The following P2RX3 variants were observed in gnomAD, a reference collection of about 807,000 sequenced individuals.
P2RX3 encodes purinergic receptor P2X 3.
P2RX3 carries 41 observed loss-of-function variants against 51.5 expected under a neutral mutation model. The ratio of observed to expected loss-of-function variants is 0.80; its 90% CI spans 0.62 to 1.03. The LOEUF (loss-of-function observed/expected upper bound fraction) is 1.03. Ranked by LOEUF, P2RX3 falls within the 50% of genes least tolerant of loss-of-function variation. The pLI is 0.00. For missense variants in P2RX3, 459 were observed against 522.1 expected (o/e 0.88, Z 1.18); for synonymous variants, 185 against 191.6 (o/e 0.97, Z 0.29).
chr11:57,343,230 G>A (rs1462457465), intron 1 of P2RX3, among the ~76,000 whole-genome samples: 1 of 152,206 alleles, frequency 6.6e-6, no homozygotes, highest in Non-Finnish European at 1.5e-5. Context: ...CCACCCCACT[G>A]GGCACAAGAA....
At chr11:57,347,516 G>A in intron 4 of P2RX3, 38 bp downstream of exon 4, 1 of 1,547,220 alleles carries the variant, frequency 6.5e-7, no homozygotes, top group African/African-American at 1.4e-5. Flanking sequence ...AATCCCAAGT[G>A]TTAGTGGGAC....
At chr11:57,359,234 A>G (rs4938863) in intron 8 of P2RX3, among the ~76,000 whole-genome samples, 125,100 of 152,114 alleles carry the variant, frequency 0.82, 52,184 homozygotes, top group East Asian at 0.98. Context: ...GCAGGGAAGC[A>G]GCGAGCAGAT....
intron 8 of P2RX3, among the ~76,000 whole-genome samples, chr11:57,352,510 A>G (rs1856563886): frequency 6.6e-6 from 1 of 152,358 alleles, no homozygotes; most frequent in Non-Finnish European, 1.5e-5. Context: ...GCAAGTTTTC[A>G]TCTTCATAAC....
chr11:57,361,484 C>T (rs1256511625), intron 8 of P2RX3, among the ~76,000 whole-genome samples: 1 of 152,130 alleles, frequency 6.6e-6, no homozygotes, highest in African/African-American at 2.4e-5. Flanking sequence ...TGTTGTTCCC[C>T]TCCCTGTATC....
intron 1 of P2RX3, among the ~76,000 whole-genome samples, chr11:57,343,118 C>T (rs1260013497): frequency 6.6e-6 from 1 of 152,218 alleles, no homozygotes; most frequent in Non-Finnish European, 1.5e-5. Flanking sequence ...TGAAGCATCC[C>T]CTTCTTTCTA....
intron 7 of P2RX3, chr11:57,350,351 G>C (rs76520954): frequency 0.019 from 3,365 of 181,302 alleles, 50 homozygotes; most frequent in South Asian, 0.029. Context: ...CCAGGCTAGA[G>C]TGCATGGCGC....
At chr11:57,343,757 T>C (rs1057228391) in intron 1 of P2RX3, among the ~76,000 whole-genome samples, 6 of 152,178 alleles carry the variant, frequency 3.9e-5, no homozygotes, top group African/African-American at 1.4e-4. Context: ...GCTAGGCACA[T>C]TGAAGCTCGG....
At chr11:57,365,814 C>T (rs1341734576) in intron 8 of P2RX3, among the ~76,000 whole-genome samples, 1 of 152,238 alleles carries the variant, frequency 6.6e-6, no homozygotes, top group Non-Finnish European at 1.5e-5. Context: ...TTCTCCTTCC[C>T]CATCACAAGT....
intron 8 of P2RX3, among the ~76,000 whole-genome samples, chr11:57,355,151 G>C (rs1010958896): frequency 1.3e-5 from 2 of 152,182 alleles, no homozygotes; most frequent in African/African-American, 4.8e-5. Context: ...CACCTGCAGA[G>C]ATGTCCAGGA....
At chr11:57,351,907 C>A (rs950239657) in intron 8 of P2RX3, among the ~76,000 whole-genome samples, 1 of 152,164 alleles carries the variant, frequency 6.6e-6, no homozygotes, top group African/African-American at 2.4e-5. Flanking sequence ...TGTTTTGATA[C>A]ATGTATACAT....
At chr11:57,348,573 T>C in intron 5 of P2RX3, 54 bp from the exon 6 acceptor site, 1 of 1,488,246 alleles carries the variant, frequency 6.7e-7, no homozygotes, top group Non-Finnish European at 9.4e-7. Flanking sequence ...GGTGAAAGCC[T>C]TCATTTCCCC....
chr11:57,337,303 A>G (rs7480857), upstream of P2RX3, among the ~76,000 whole-genome samples: 115 of 128,490 alleles, frequency 9.0e-4, no homozygotes, highest in African/African-American at 2.5e-3. Flanking sequence ...AAAAAAAAAA[A>G]AAAGAAAGAA....
At chr11:57,368,551 C>G (rs751983089) in intron 10 of P2RX3, 114 bp downstream of exon 10, 10 of 1,178,372 alleles carry the variant, frequency 8.5e-6, no homozygotes, top group Non-Finnish European at 1.2e-6. Flanking sequence ...AATGTAAAAC[C>G]CCTACCCCCA....
intron 8 of P2RX3, among the ~76,000 whole-genome samples, chr11:57,362,306 G>C (rs1253986763): frequency 6.6e-6 from 1 of 152,188 alleles, no homozygotes; most frequent in East Asian, 1.9e-4. Context: ...ACTGGGCCAG[G>C]TCGGGAGGAG....
chr11:57,359,763 C>G (rs1232026006), intron 8 of P2RX3, among the ~76,000 whole-genome samples: 1 of 152,190 alleles, frequency 6.6e-6, no homozygotes. Context: ...AGTCAAGCAG[C>G]CAGATTTCAG....
chr11:57,357,159 AT>A (rs755378530), intron 8 of P2RX3, among the ~76,000 whole-genome samples: 47 of 151,944 alleles, frequency 3.1e-4, no homozygotes, highest in Non-Finnish European at 6.0e-4. Flanking sequence ...TCTATTAAAA[AT>A]TTTTTTAAAA....
At chr11:57,352,043 A>G (rs1018227280) in intron 8 of P2RX3, among the ~76,000 whole-genome samples, 4 of 152,208 alleles carry the variant, frequency 2.6e-5, no homozygotes, top group African/African-American at 9.6e-5. Flanking sequence ...AAAAATACAT[A>G]AGAATATATT....
rs533472336 is a variant in P2RX3, at chr11:57,338,393, T to G, written c.-158T>G. ...GAGTATCAAGAGCAGAGAATCTCAC[T>G]AGGATTGCATGGCTTAAAGGGACAG... On this transcript the variant is annotated 5_prime_UTR_variant, in exon 1 of 12. Coordinates refer to ENST00000263314, the MANE Select transcript of P2RX3 (RefSeq NM_002559.5). 3.0e-4 allele frequency: 156 copies of G among 517,942 alleles called. 1 individual carries two copies. The highest frequency in any genetic ancestry group is 2.6e-3 in the African/African-American group (138 of 53,810). 32.1% of individuals were successfully genotyped at this position (517,942 alleles called of 1,614,324 possible).
Position 57,348,198 on chromosome 11 carries a change from C to G in P2RX3, c.420C>G (p.Tyr140Ter). The G allele has an allele frequency of 6.3e-7, 1 of 1,598,830 alleles. No homozygotes were observed. Among genetic ancestry groups the G allele is most frequent in the Non-Finnish European group, 8.5e-7 (1 of 1,172,964 alleles). Residue 140 changes from tyrosine (Y) to a stop codon, truncating the protein, a stop_gained, in exon 5 of 12, where the codon TAC becomes TAG. Transcript: ENST00000263314. LOFTEE classifies it high-confidence loss of function. ...GGILTGRCVN[Y>*]SSVLRTCEIQ... ...TCCTCACTGGCCGCTGCGTGAACTA[C>G]AGCTCTGTGCTCCGGACCTGTGAGA...
Sources: gnomAD v4.1 joint callset for allele counts (sites outside exome capture counted in the v4.1 genomes callset) on GRCh38, gnomAD v4.1.1 for gene constraint, MANE v1.5 for transcripts, NCBI Gene and HGNC (gene_info 2026-07-23, HGNC 2026-07-21) for gene names.